The following LDLRAD3 variants were observed in gnomAD, a reference collection of about 807,000 sequenced individuals.
LDLRAD3 encodes low-density lipoprotein receptor class A domain-containing protein 3.
Under a neutral mutation model 29.4 loss-of-function variants are expected in LDLRAD3, and 20 were observed. The observed-to-expected ratio is 0.68, with a 90% CI of 0.48 to 0.99. LDLRAD3 has a LOEUF of 0.99. LDLRAD3 is among the 50% of genes least tolerant of loss of function. The pLI is 0.00. For synonymous variants in LDLRAD3, 157 were observed against 192.7 expected (o/e 0.81, Z 1.53); for missense variants, 420 against 454.3 (o/e 0.92, Z 0.69).
chr11:36,101,115 C>T (rs1853440509), intron 4 of LDLRAD3, among the ~76,000 whole-genome samples: 1 of 152,156 alleles, frequency 6.6e-6, no homozygotes, highest in Non-Finnish European at 1.5e-5. Flanking sequence ...AGCCAGAGGG[C>T]ATCCCCTTAG....
At chr11:36,094,087 G>T (rs1853322651) in intron 3 of LDLRAD3, among the ~76,000 whole-genome samples, 1 of 152,206 alleles carries the variant, frequency 6.6e-6, no homozygotes, top group African/African-American at 2.4e-5. Flanking sequence ...TGGCTTTCAG[G>T]CTTTAAACTG....
chr11:36,095,855 A>G (rs1565218838), intron 3 of LDLRAD3, among the ~76,000 whole-genome samples: 1 of 152,198 alleles, frequency 6.6e-6, no homozygotes, highest in Non-Finnish European at 1.5e-5. Flanking sequence ...TTTTGGTTGC[A>G]TAGATGTGAC....
chr11:36,107,652 C>T (rs1040650435), intron 4 of LDLRAD3, among the ~76,000 whole-genome samples: 17 of 152,200 alleles, frequency 1.1e-4, no homozygotes, highest in Admixed American at 6.5e-4. Context: ...TTACAGTTGC[C>T]TACAGTGTTC....
chr11:36,139,698 C>T (rs954487462), intron 4 of LDLRAD3, among the ~76,000 whole-genome samples: 9 of 152,154 alleles, frequency 5.9e-5, no homozygotes, highest in African/African-American at 1.7e-4. Context: ...CTGCCAGTTT[C>T]GGGAGGGCAG....
intron 4 of LDLRAD3, among the ~76,000 whole-genome samples, chr11:36,106,458 T>C (rs928953568): frequency 7.2e-5 from 11 of 152,222 alleles, no homozygotes; most frequent in Non-Finnish European, 7.3e-5. Flanking sequence ...AGTGAATATA[T>C]ATGTATCTAT....
intron 2 of LDLRAD3, among the ~76,000 whole-genome samples, chr11:36,038,752 C>T (rs1852338246): frequency 6.6e-6 from 1 of 152,136 alleles, no homozygotes; most frequent in Admixed American, 6.5e-5. Flanking sequence ...TACCCTTAAC[C>T]CCCAAGTGTG....
At chr11:35,965,841 A>T (rs1851334028) in intron 1 of LDLRAD3, among the ~76,000 whole-genome samples, 1 of 152,054 alleles carries the variant, frequency 6.6e-6, no homozygotes, top group Non-Finnish European at 1.5e-5. Flanking sequence ...ATCCAACAGT[A>T]AAAAAAGCCA....
At chr11:35,952,224 C>T (rs1010444622) in intron 1 of LDLRAD3, among the ~76,000 whole-genome samples, 3 of 152,238 alleles carry the variant, frequency 2.0e-5, no homozygotes, top group Admixed American at 1.3e-4. Context: ...GTCTGCGTGA[C>T]TTAGACTTGG....
chr11:35,949,243 C>T (rs1469205863), intron 1 of LDLRAD3, among the ~76,000 whole-genome samples: 6 of 152,140 alleles, frequency 3.9e-5, no homozygotes, highest in Admixed American at 3.9e-4. Flanking sequence ...CTGGAATTTT[C>T]TATATGTGGT....
chr11:35,978,238 G>T (rs1391629359), intron 1 of LDLRAD3, among the ~76,000 whole-genome samples: 1 of 152,206 alleles, frequency 6.6e-6, no homozygotes, highest in Admixed American at 6.5e-5. Context: ...AACACTGAAG[G>T]CTGTTTCCCA....
chr11:36,202,989 T>G (rs933296480), intron 4 of LDLRAD3, among the ~76,000 whole-genome samples: 1 of 152,098 alleles, frequency 6.6e-6, no homozygotes, highest in Non-Finnish European at 1.5e-5. Context: ...CAGGCTGGAG[T>G]GCAATGGTGC....
At chr11:36,087,287 T>C (rs1853210085) in intron 3 of LDLRAD3, among the ~76,000 whole-genome samples, 2 of 152,238 alleles carry the variant, frequency 1.3e-5, no homozygotes, top group South Asian at 4.1e-4. Flanking sequence ...CATGGTTTGA[T>C]ACTTGATATT....
At chr11:36,050,415 G>A (rs1852510817) in intron 2 of LDLRAD3, among the ~76,000 whole-genome samples, 1 of 152,206 alleles carries the variant, frequency 6.6e-6, no homozygotes, top group Non-Finnish European at 1.5e-5. Flanking sequence ...AGCAGGGCAG[G>A]CAGTCTGGTG....
At chr11:35,972,262 A>C (rs1851422561) in intron 1 of LDLRAD3, among the ~76,000 whole-genome samples, 1 of 152,162 alleles carries the variant, frequency 6.6e-6, no homozygotes, top group Non-Finnish European at 1.5e-5. Flanking sequence ...CACTGTGCTG[A>C]GAAACTGAGG....
intron 2 of LDLRAD3, among the ~76,000 whole-genome samples, chr11:36,061,988 A>G (rs956156556): frequency 2.0e-5 from 3 of 152,134 alleles, no homozygotes; most frequent in African/African-American, 7.2e-5. Flanking sequence ...TAAAAAAAAA[A>G]AAACAGTAGT....
intron 4 of LDLRAD3, among the ~76,000 whole-genome samples, chr11:36,123,619 CG>C (rs551844839): frequency 3.3e-5 from 5 of 152,288 alleles, no homozygotes; most frequent in Admixed American, 2.6e-4. Flanking sequence ...GCCAAGTGCA[CG>C]GGTGTGGAAA....
chr11:36,072,835 G>T (rs1365150352), intron 2 of LDLRAD3, among the ~76,000 whole-genome samples: 2 of 152,170 alleles, frequency 1.3e-5, no homozygotes, highest in African/African-American at 2.4e-5. Flanking sequence ...TGGAGACACT[G>T]GAATGCCTCC....
rs1316564715 is a variant in LDLRAD3, at chr11:36,204,232, C to T, written c.455-22853C>T. Among the ~76,000 whole-genome samples, 3 of 152,132 alleles carry T rather than the reference C, an allele frequency of 2.0e-5. No individual in the cohort carries two copies. The East Asian group carries it at 5.8e-4, about 29-fold the overall frequency. On this transcript the variant is annotated intron_variant, in intron 4 of 5. Coordinates refer to ENST00000315571, the MANE Select transcript of LDLRAD3 (RefSeq NM_174902.4). ...GCTCTGGGCAGAACATCCTGGGTAT[C>T]CCCTTGTCATAAATATGGCATAGCA...
At chr11:36,158,636 G>T (rs1854390512) in intron 4 of LDLRAD3, among the ~76,000 whole-genome samples, 1 of 145,682 alleles carries the variant, frequency 6.9e-6, no homozygotes, top group South Asian at 2.2e-4. Context: ...TGTAAATTCT[G>T]TGAGGGCAGG....
Sources: gnomAD v4.1 joint callset for allele counts (sites outside exome capture counted in the v4.1 genomes callset) on GRCh38, gnomAD v4.1.1 for gene constraint, MANE v1.5 for transcripts, NCBI Gene and HGNC (gene_info 2026-07-23, HGNC 2026-07-21) for gene names.